Variants in DLGAP1 observed in about 807,000 individuals in gnomAD.
The protein encoded by DLGAP1 is disks large-associated protein 1.
DLGAP1 carries 11 observed loss-of-function variants against 90.8 expected under a neutral mutation model. The observed-to-expected ratio is 0.12, with a 90% confidence interval of 0.08 to 0.20. DLGAP1 has a LOEUF of 0.20. Ranked by LOEUF, DLGAP1 falls within the 10% of genes least tolerant of loss-of-function variation. The pLI, the probability that DLGAP1 is intolerant of heterozygous loss-of-function variation, is 1.00. For missense variants in DLGAP1, 1,050 were observed against 1,333.8 expected (o/e 0.79, Z 3.31); for synonymous variants, 558 against 540.7 (o/e 1.03, Z -0.44).
chr18:4,417,639 G>A (rs1426294915), intron 1 of DLGAP1, among the ~76,000 whole-genome samples: 2 of 152,094 alleles, frequency 1.3e-5, no homozygotes, highest in Non-Finnish European at 2.9e-5. Context: ...TAAGTAAAGT[G>A]TCCAGAGTGA....
chr18:4,170,134 C>G (rs1268907616), intron 1 of DLGAP1, among the ~76,000 whole-genome samples: 1 of 152,188 alleles, frequency 6.6e-6, no homozygotes, highest in East Asian at 1.9e-4. Flanking sequence ...TTAGAGGAAG[C>G]CAGTAGCAGA....
chr18:3,914,692 G>C (rs765638449), intron 3 of DLGAP1, among the ~76,000 whole-genome samples: 1 of 152,094 alleles, frequency 6.6e-6, no homozygotes, highest in Non-Finnish European at 1.5e-5. Flanking sequence ...TAGTGTACAA[G>C]GGTTCCCTTT....
chr18:3,844,704 C>T (rs1302947085), intron 4 of DLGAP1, among the ~76,000 whole-genome samples: 1 of 152,166 alleles, frequency 6.6e-6, no homozygotes, highest in African/African-American at 2.4e-5. Flanking sequence ...AAATAAAACT[C>T]ACCTAAACTG....
chr18:4,029,559 A>G (rs1262996854), intron 2 of DLGAP1, among the ~76,000 whole-genome samples: 1 of 152,104 alleles, frequency 6.6e-6, no homozygotes, highest in African/African-American at 2.4e-5. Flanking sequence ...AAATGATTCC[A>G]TTTCCCAGGC....
intron 1 of DLGAP1, among the ~76,000 whole-genome samples, chr18:4,223,150 A>G (rs1181237415): frequency 1.3e-5 from 2 of 152,156 alleles, no homozygotes; most frequent in East Asian, 3.9e-4. Flanking sequence ...CGGTGTGTGA[A>G]GCATTTAGTA....
intron 1 of DLGAP1, among the ~76,000 whole-genome samples, chr18:4,170,927 C>T (rs1339276132): frequency 2.6e-5 from 4 of 152,064 alleles, no homozygotes; most frequent in Non-Finnish European, 5.9e-5. Flanking sequence ...ACCACATATG[C>T]ATGTGTCTGT....
chr18:3,959,987 A>G (rs1336753756), intron 3 of DLGAP1, among the ~76,000 whole-genome samples: 2 of 152,180 alleles, frequency 1.3e-5, no homozygotes, highest in African/African-American at 4.8e-5. Flanking sequence ...ACCAGTAGAT[A>G]ATACATTGGA....
At chr18:4,261,758 C>T (rs1227775222) in intron 1 of DLGAP1, among the ~76,000 whole-genome samples, 1 of 152,024 alleles carries the variant, frequency 6.6e-6, no homozygotes, top group Non-Finnish European at 1.5e-5. Flanking sequence ...GAAATGGGCT[C>T]GATGTTCCTC....
chr18:3,752,765 C>T (rs1364411895), intron 5 of DLGAP1, among the ~76,000 whole-genome samples: 1 of 151,644 alleles, frequency 6.6e-6, no homozygotes, highest in Non-Finnish European at 1.5e-5. Context: ...GCCTCAGCTC[C>T]CATGTAGTTG....
At chr18:4,057,016 C>T (rs1345063096) in intron 2 of DLGAP1, among the ~76,000 whole-genome samples, 9 of 68,932 alleles carry the variant, frequency 1.3e-4, no homozygotes, top group African/African-American at 6.6e-4. Flanking sequence ...CACACACACA[C>T]ACACACACAC....
intron 4 of DLGAP1, among the ~76,000 whole-genome samples, chr18:3,843,808 C>T (rs1029430942): frequency 6.6e-6 from 1 of 152,128 alleles, no homozygotes; most frequent in East Asian, 1.9e-4. Context: ...CTGTGATAGA[C>T]TGAAATTCCA....
At chr18:3,553,940 G>A (rs1333880656) in intron 9 of DLGAP1, among the ~76,000 whole-genome samples, 1 of 152,122 alleles carries the variant, frequency 6.6e-6, no homozygotes, top group African/African-American at 2.4e-5. Flanking sequence ...CTTTTGTAAT[G>A]AAAACAGTAA....
intron 3 of DLGAP1, among the ~76,000 whole-genome samples, chr18:3,977,434 G>GGGTTTTTTT (rs767760816): frequency 1.0e-5 from 1 of 95,340 alleles, no homozygotes; most frequent in African/African-American, 4.2e-5. Flanking sequence ...TTTATTCTGT[G>GGGTTTTTTT]TTTTTTTTTT....
At chr18:4,142,673 G>C (rs2076514243) in intron 2 of DLGAP1, among the ~76,000 whole-genome samples, 2 of 152,188 alleles carry the variant, frequency 1.3e-5, no homozygotes, top group Non-Finnish European at 2.9e-5. Context: ...AAGATTTATA[G>C]AATATTAAAA....
chr18:3,998,304 T>C (rs937642825), intron 3 of DLGAP1, among the ~76,000 whole-genome samples: 10 of 152,226 alleles, frequency 6.6e-5, no homozygotes, highest in Non-Finnish European at 1.2e-4. Context: ...GATTTTGGTT[T>C]CCTTGCATTT....
chr18:4,261,559 A>AC (rs754140800), intron 1 of DLGAP1, among the ~76,000 whole-genome samples: 132 of 151,312 alleles, frequency 8.7e-4, no homozygotes, highest in Non-Finnish European at 1.3e-3. Flanking sequence ...ACATTTTGTG[A>AC]CCCCCCTTCG....
intron 7 of DLGAP1, among the ~76,000 whole-genome samples, chr18:3,706,064 C>T (rs753434659): frequency 5.3e-5 from 8 of 150,396 alleles, no homozygotes; most frequent in Admixed American, 1.3e-4. Context: ...CAGGCGCAAT[C>T]TCTGCTCACT....
intron 5 of DLGAP1, among the ~76,000 whole-genome samples, chr18:3,752,829 G>C (rs1016047811): frequency 2.6e-5 from 4 of 151,814 alleles, no homozygotes; most frequent in African/African-American, 9.7e-5. Flanking sequence ...ATGTTTTCAA[G>C]GTTCATCCGT....
chr18:3,745,743 G>T (rs1163643979), intron 5 of DLGAP1, among the ~76,000 whole-genome samples: 1 of 152,100 alleles, frequency 6.6e-6, no homozygotes, highest in Admixed American at 6.5e-5. Context: ...AGGCTGGAGT[G>T]CAGTAGTGCG....
Sources: gnomAD v4.1 joint callset for allele counts (sites outside exome capture counted in the v4.1 genomes callset) on GRCh38, gnomAD v4.1.1 for gene constraint, MANE v1.5 for transcripts, NCBI Gene and HGNC (gene_info 2026-07-23, HGNC 2026-07-21) for gene names.